CDHR1: variants seen among roughly 807,000 people sequenced by gnomAD.
The protein encoded by CDHR1 is cadherin related family member 1.
In CDHR1, 61 loss-of-function variants were observed where a neutral mutation model predicts 72.1. The ratio of observed to expected loss-of-function variants is 0.85; its 90% CI spans 0.69 to 1.05. CDHR1 has a LOEUF of 1.05. CDHR1 is among the 50% of genes least tolerant of loss of function. The pLI is 0.00. For missense variants in CDHR1, 1,186 were observed against 1,115.7 expected (o/e 1.06, Z -0.90); for synonymous variants, 470 against 448.1 (o/e 1.05, Z -0.62).
chr10:84,197,915 C>T, intron 4 of CDHR1, 79 bp downstream of exon 4: 1 of 1,390,598 alleles, frequency 7.2e-7, no homozygotes, highest in Admixed American at 1.7e-5. Flanking sequence ...CGATTCCTCC[C>T]CAAGCCTTCA....
At position 84,194,961 on chromosome 10, in the gene CDHR1, C is replaced by A. The variant is rs1842001070; in HGVS notation, c.55+146C>A. Reference sequence around the variant, plus strand: ...GACGGGAGCGGAGAAGTCCTTCCATCTTCCTGGCCCATTCGGTAGTGGGGA... The same window carrying A: ...GACGGGAGCGGAGAAGTCCTTCCATATTCCTGGCCCATTCGGTAGTGGGGA... On this transcript the variant is annotated intron_variant, in intron 1 of 16. Transcript: ENST00000623527. 4.8e-6 allele frequency: 4 copies of A among 835,706 alleles called. No homozygotes were observed. The African/African-American group carries it at 5.0e-5, about 11-fold the overall frequency. 51.8% of individuals were successfully genotyped at this position (835,706 alleles called of 1,614,324 possible).
In CDHR1 at chr10:84,214,611, C is replaced by T; in HGVS notation, c.2570C>T (p.Ala857Val). 1 of 1,599,762 alleles carries T rather than the reference C, an allele frequency of 6.3e-7. No homozygotes were observed. Among genetic ancestry groups the T allele is most frequent in the Non-Finnish European group, 8.5e-7 (1 of 1,179,880 alleles). Residue 857 changes from alanine (A) to valine (V), a missense_variant, in exon 17 of 17, where the codon GCT becomes GTT. Coordinates refer to ENST00000623527, the MANE Select transcript of CDHR1 (RefSeq NM_033100.4). Reference protein sequence around the residue: ...KFEKKSVHNKAYF With the variant: ...KFEKKSVHNKVYF Reference sequence around the variant, plus strand: ...GAGAAGAAGAGTGTGCACAACAAGGCTTACTTCTAGTGTATGCCCTATGAC... The same window carrying T: ...GAGAAGAAGAGTGTGCACAACAAGGTTTACTTCTAGTGTATGCCCTATGAC...
At position 84,211,717 on chromosome 10, in the gene CDHR1, T is replaced by C; in HGVS notation, c.1553+2T>C. The C allele has an allele frequency of 1.2e-6, 2 of 1,612,572 alleles. No homozygotes were observed. The highest frequency in any genetic ancestry group is 8.5e-7 in the Non-Finnish European group (1 of 1,178,674). On this transcript the variant is annotated splice_donor_variant, in intron 14 of 16. Coordinates refer to ENST00000623527, the MANE Select transcript of CDHR1 (RefSeq NM_033100.4). LOFTEE classifies it high-confidence loss of function. Reference sequence around the variant, plus strand: ...CACCTATGGGACTGGGGCAGACCTGTAAGTAGATCCAGAATCCAGGACAGG... The same window carrying C: ...CACCTATGGGACTGGGGCAGACCTGCAAGTAGATCCAGAATCCAGGACAGG...
chr10:84,212,658 C>G (rs1842356692), intron 15 of CDHR1, among the ~76,000 whole-genome samples: 1 of 152,210 alleles, frequency 6.6e-6, no homozygotes, highest in African/African-American at 2.4e-5. Context: ...CTTCACATAG[C>G]TGGTCTGCCT....
At chr10:84,197,671 G>A in intron 3 of CDHR1, 115 bp from the exon 4 acceptor site, 1 of 948,966 alleles carries the variant, frequency 1.1e-6, no homozygotes, top group Middle Eastern at 2.3e-4. Context: ...GGGATCTATT[G>A]GCACGCCCAG....
chr10:84,214,338 A>C lies in CDHR1; in HGVS notation c.2297A>C (p.Lys766Thr), dbSNP rs1158781664. Reference protein sequence around the residue: ...LKSKSTKAATKFMLKEKPPNE... With the variant: ...LKSKSTKAATTFMLKEKPPNE... Reference sequence around the variant, plus strand: ...TCCAAGAGCACCAAAGCCGCTACCAAGTTCATGCTCAAAGAGAAACCTCCC... The same window carrying C: ...TCCAAGAGCACCAAAGCCGCTACCACGTTCATGCTCAAAGAGAAACCTCCC... The change falls in exon 17 of 17, where the codon AAG becomes ACG. Residue 766 changes from lysine (K) to threonine (T), a missense_variant. Physicochemically the swap from Lys to Thr is moderately conservative, Grantham distance 78 (BLOSUM62 -1). Transcript: ENST00000623527. 6.2e-7 allele frequency: 1 copy of C among 1,614,094 alleles called. No homozygotes were observed.
Position 84,203,079 on chromosome 10 carries a change from G to T in CDHR1, c.739G>T (p.Val247Leu), listed in dbSNP as rs184579670. The change falls in exon 8 of 17, where the codon GTG becomes TTG. Residue 247 changes from valine to leucine, a missense_variant. By Grantham distance (32) the Val-to-Leu change is conservative. Coordinates refer to ENST00000623527, the MANE Select transcript of CDHR1 (RefSeq NM_033100.4). ...EDVQDMAPVF[V>L]GTPYYGYVYE... ...TGTTCAGGACATGGCCCCTGTCTTC[G>T]TGGGCACACCCTACTATGGCTATGT... The T allele has an allele frequency of 2.0e-5, 32 of 1,614,194 alleles. No individual in the cohort carries two copies. The Middle Eastern group carries it at 4.3e-3, about 216-fold the overall frequency.
chr10:84,213,813 C>T (rs1329046374), intron 16 of CDHR1, among the ~76,000 whole-genome samples: 4 of 152,186 alleles, frequency 2.6e-5, no homozygotes, highest in African/African-American at 4.8e-5. Context: ...AAAGAGGTTG[C>T]TCGCATTGCG....
At chr10:84,214,030 T>C in intron 16 of CDHR1, 52 bp from the exon 17 acceptor site, 1 of 1,613,142 alleles carries the variant, frequency 6.2e-7, no homozygotes, top group Non-Finnish European at 8.5e-7. Context: ...TACTCTGTAC[T>C]CCAGGGACCA....
At chr10:84,208,652 T>G (rs1264769162) in intron 11 of CDHR1, 77 bp from the exon 12 acceptor site, 2 of 1,457,254 alleles carry the variant, frequency 1.4e-6, no homozygotes, top group Admixed American at 1.7e-5. Flanking sequence ...TAAGGGCACG[T>G]GAAGACTTCT....
Position 84,217,678 on chromosome 10 carries a change from AAG to A in CDHR1, c.*3062_*3063del. The A allele has an allele frequency of 3.0e-6, 3 of 985,480 alleles. No individual in the cohort carries two copies. Among genetic ancestry groups the A allele is most frequent in the Non-Finnish European group, 3.6e-6 (3 of 829,988 alleles). The allele number at this position is 985,480 out of a possible 1,614,324, so 61.0% of individuals were successfully genotyped here. A position where few individuals can be genotyped will look rare whatever the true frequency, so the allele number is the denominator to read the frequency against. On this transcript the variant is annotated 3_prime_UTR_variant, in exon 17 of 17. Coordinates refer to ENST00000623527, the MANE Select transcript of CDHR1 (RefSeq NM_033100.4). ...CACATACTAGAACACCATGTCCTGA[AAG>A]AGAGGACCCCCTCCATGCATCCTCA...
In CDHR1 at chr10:84,210,610, GC is replaced by G. The variant is rs1489761544; in HGVS notation, c.1321-386del. Among the ~76,000 whole-genome samples the G allele has an allele frequency of 2.6e-5, 4 of 152,182 alleles. No homozygotes were observed. The East Asian group carries it at 7.7e-4, about 29-fold the overall frequency. Reference sequence around the variant, plus strand: ...TATTTTTTTAAAAAAAGAATTTAATGCCCCCAATTAACTCTTCCCTAGAATG... The same window carrying G: ...TATTTTTTTAAAAAAAGAATTTAATGCCCCAATTAACTCTTCCCTAGAATG... On this transcript the variant is annotated intron_variant, in intron 12 of 16. Transcript: ENST00000623527.
intron 9 of CDHR1, among the ~76,000 whole-genome samples, chr10:84,205,213 A>T (rs1842203062): frequency 1.3e-5 from 2 of 152,090 alleles, no homozygotes; most frequent in African/African-American, 4.8e-5. Flanking sequence ...TGGTACCAGA[A>T]GTGTGCATGT....
chr10:84,199,340 G>C (rs1007350645), intron 5 of CDHR1, among the ~76,000 whole-genome samples: 7 of 152,208 alleles, frequency 4.6e-5, no homozygotes, highest in African/African-American at 1.4e-4. Flanking sequence ...AGAAAAGTAA[G>C]AGAAACTAGA....
chr10:84,203,907 T>G (rs1439890202), intron 8 of CDHR1, among the ~76,000 whole-genome samples: 2 of 151,884 alleles, frequency 1.3e-5, no homozygotes, highest in African/African-American at 4.8e-5. Flanking sequence ...CAGGGTAGGC[T>G]CCAAGGGAAG....
chr10:84,216,937 G>A lies in CDHR1; in HGVS notation c.*2316G>A. ...AGACAGGCGTCCTAAAGACCTCTAG[G>A]CTGGAAGCTTGGGCTTGCAAGTGGA... On this transcript the variant is annotated 3_prime_UTR_variant, in exon 17 of 17. Coordinates refer to ENST00000623527, the MANE Select transcript of CDHR1 (RefSeq NM_033100.4). The A allele has an allele frequency of 2.0e-6, 2 of 985,488 alleles. No homozygotes were observed. Among genetic ancestry groups the A allele is most frequent in the Non-Finnish European group, 2.4e-6 (2 of 829,962 alleles). The allele number at this position is 985,488 out of a possible 1,614,324, so 61.0% of individuals were successfully genotyped here.
intron 6 of CDHR1, among the ~76,000 whole-genome samples, chr10:84,201,377 G>A (rs1196645913): frequency 6.6e-6 from 1 of 152,158 alleles, no homozygotes; most frequent in African/African-American, 2.4e-5. Flanking sequence ...CAGGCTGCCT[G>A]GGACTGGCCC....
In CDHR1 at chr10:84,214,618, C is replaced by T. The variant is rs377599117; in HGVS notation, c.2577C>T (p.Phe859=). 5.0e-6 allele frequency: 8 copies of T among 1,599,770 alleles called. No individual in the cohort carries two copies. Among genetic ancestry groups the T allele is most frequent in the African/African-American group, 1.3e-5 (1 of 75,050 alleles). The change falls in exon 17 of 17, where the codon TTC becomes TTT. Residue 859 remains phenylalanine (F), a synonymous_variant. Coordinates refer to ENST00000623527, the MANE Select transcript of CDHR1 (RefSeq NM_033100.4). The stretch of plus-strand genomic sequence containing the variant: ...AGAGTGTGCACAACAAGGCTTACTT[C>T]TAGTGTATGCCCTATGACCCCCCAT... ...EKKSVHNKAY[F]
In CDHR1 at chr10:84,197,832, AT is replaced by A. The variant is rs1418300934; in HGVS notation, c.345del (p.Leu116TrpfsTer7). The A allele has an allele frequency of 6.2e-7, 1 of 1,613,714 alleles. No individual in the cohort carries two copies. Among genetic ancestry groups the A allele is most frequent in the African/African-American group, 1.3e-5 (1 of 74,898 alleles). On this transcript the variant is annotated frameshift_variant, in exon 4 of 17. Transcript: ENST00000623527. LOFTEE classifies it high-confidence loss of function. ...ATCATCAGCATTTCTGATGGCCTGA[AT>A]CTGGTGAGTGCACGTCCAAGGCAGT... is the stretch of plus-strand genomic sequence containing the variant. ...EAIISISDGL[N>X]LVAEKVVILV...
Sources: allele counts gnomAD v4.1 joint callset (sites outside exome capture counted in the v4.1 genomes callset), GRCh38; gene constraint gnomAD v4.1.1; transcripts MANE v1.5; gene names NCBI Gene and HGNC (gene_info 2026-07-23, HGNC 2026-07-21).